The following FARP1 variants were observed in gnomAD, a reference collection of about 807,000 sequenced individuals.
The protein encoded by FARP1 is FERM, ARH/RhoGEF and pleckstrin domain protein 1.
In FARP1, 52 loss-of-function variants were observed where a neutral mutation model predicts 128.8. That is an observed-to-expected ratio of 0.40 (90% CI 0.32 to 0.51). The LOEUF (loss-of-function observed/expected upper bound fraction) is 0.51, where lower values mean the gene tolerates loss of function less well. Ranked by LOEUF, FARP1 falls within the 20% of genes least tolerant of loss-of-function variation. The pLI, the probability that FARP1 is intolerant of heterozygous loss-of-function variation, is 0.45. For missense variants in FARP1, 1,333 were observed against 1,367.9 expected (o/e 0.97, Z 0.40); for synonymous variants, 580 against 551.8 (o/e 1.05, Z -0.72).
intron 6 of FARP1, chr13:98,384,423 C>A: frequency 3.1e-6 from 1 of 321,052 alleles, no homozygotes. Context: ...GAACTCCTGA[C>A]CTCAAGTGAT....
chr13:98,236,999 A>G lies in FARP1; in HGVS notation c.171+23586A>G, dbSNP rs192883760. ...AGAGCAAGACTCTGTCTCAGGGGGA[A>G]AAAAAGAAAACGTTAAAATTTAGGC... On this transcript the variant is annotated intron_variant, in intron 2 of 26. Coordinates refer to ENST00000319562, the MANE Select transcript of FARP1 (RefSeq NM_005766.4). Among the ~76,000 whole-genome samples, 12 of 152,060 alleles carry G rather than the reference A, an allele frequency of 7.9e-5. No homozygotes were observed. In the South Asian group the frequency reaches 1.0e-3, roughly 13 times the overall value.
intron 2 of FARP1, among the ~76,000 whole-genome samples, chr13:98,313,143 C>T (rs1236110722): frequency 7.4e-6 from 1 of 134,408 alleles, no homozygotes; most frequent in Non-Finnish European, 1.6e-5. Context: ...CACACACACT[C>T]ACTCGAATCG....
intron 6 of FARP1, chr13:98,383,972 C>T (rs1247019457): frequency 6.6e-6 from 1 of 152,194 alleles, no homozygotes; most frequent in Non-Finnish European, 1.5e-5. Flanking sequence ...CTTTTCTCTG[C>T]ATGATAAAGC....
intron 2 of FARP1, chr13:98,244,579 C>G (rs778777251): frequency 6.2e-7 from 1 of 1,614,084 alleles, no homozygotes; most frequent in Non-Finnish European, 8.5e-7. Context: ...AAGCACCATT[C>G]ACATCTAATT....
intron 6 of FARP1, among the ~76,000 whole-genome samples, chr13:98,378,549 T>C (rs1050293659): frequency 2.0e-5 from 3 of 152,194 alleles, no homozygotes; most frequent in African/African-American, 7.2e-5. Context: ...GTGGGTATAA[T>C]ACTTAATGTA....
chr13:98,241,293 G>A (rs1882756368), intron 2 of FARP1, among the ~76,000 whole-genome samples: 1 of 151,962 alleles, frequency 6.6e-6, no homozygotes, highest in Admixed American at 6.6e-5. Flanking sequence ...TGGGGAGGTG[G>A]ACGGCATGTG....
intron 24 of FARP1, among the ~76,000 whole-genome samples, chr13:98,441,442 G>A (rs1402420327): frequency 1.3e-5 from 2 of 152,246 alleles, no homozygotes; most frequent in African/African-American, 2.4e-5. Context: ...CTTCGCTTCC[G>A]TGAAGAACAG....
chr13:98,280,369 C>T (rs569109981), intron 2 of FARP1, among the ~76,000 whole-genome samples: 5 of 152,206 alleles, frequency 3.3e-5, no homozygotes, highest in African/African-American at 4.8e-5. Context: ...CAGGCCTCGG[C>T]GGCTGCTCTC....
chr13:98,448,264 A>G lies in FARP1; in HGVS notation c.3085A>G (p.Ser1029Gly), dbSNP rs1892985995. Residue 1029 changes from serine to glycine, a missense_variant, in exon 27 of 27, where the codon AGC (serine) becomes GGC (glycine). Coordinates refer to ENST00000319562, the MANE Select transcript of FARP1 (RefSeq NM_005766.4). ...RWMEVIRSAT[S>G]SASRPHVLSH... ...GATGGAAGTGATCCGCAGTGCCACC[A>G]GCTCTGCCTCGCGACCCCACGTGTT... 6.2e-7 allele frequency: 1 copy of G among 1,614,108 alleles called. No homozygotes were observed. Among genetic ancestry groups the G allele is most frequent in the South Asian group, 1.1e-5 (1 of 91,074 alleles).
At chr13:98,306,923 T>C (rs1357112383) in intron 2 of FARP1, among the ~76,000 whole-genome samples, 2 of 152,256 alleles carry the variant, frequency 1.3e-5, no homozygotes, top group Admixed American at 6.5e-5. Context: ...TCATTAAATA[T>C]TGGGCTTGGG....
In FARP1 at chr13:98,390,532, C is replaced by T. The variant is rs549017776; in HGVS notation, c.1020-280C>T. ...CAGTGATCCCTGCCTTCACTAAAGG[C>T]ACAGGCTCTTGGGATGGTTGCTTAG... On this transcript the variant is annotated intron_variant, in intron 10 of 26. Transcript: ENST00000319562. The T allele has an allele frequency of 8.9e-6, 4 of 449,728 alleles. No individual in the cohort carries two copies. In the Admixed American group the frequency reaches 1.6e-4, roughly 17 times the overall value. The allele number at this position is 449,728 out of a possible 1,614,324, so 27.9% of individuals were successfully genotyped here.
At position 98,420,201 on chromosome 13, in the gene FARP1, G is replaced by A. The variant is rs149201858; in HGVS notation, c.1827-4371G>A. On this transcript the variant is annotated intron_variant, in intron 16 of 26. Transcript: ENST00000319562. ...CCTGAGGTTGGGATGGTGAATAGGA[G>A]GGCAAAGTATTGATTTATCCTGGCT... Among the ~76,000 whole-genome samples, 1,059 of 152,246 alleles carry A rather than the reference G, an allele frequency of 7.0e-3. 5 individuals carry two copies. The highest frequency in any genetic ancestry group is 0.019 in the African/African-American group (808 of 41,554).
chr13:98,147,827 T>G (rs1171162300), intron 1 of FARP1, among the ~76,000 whole-genome samples: 1 of 16,530 alleles, frequency 6.0e-5, no homozygotes, highest in African/African-American at 8.4e-5. Context: ...CAGCTAATTT[T>G]TTCTTTAAAA....
At chr13:98,318,950 G>GTTTTTTTTTTTTTTT (rs56166470) in intron 2 of FARP1, among the ~76,000 whole-genome samples, 177 of 120,628 alleles carry the variant, frequency 1.5e-3, no homozygotes, top group East Asian at 3.9e-3. Flanking sequence ...GTTTTTTCTT[G>GTTTTTTTTTTTTTTT]TTTTTTTTTT....
chr13:98,268,300 C>T (rs1346767105), intron 2 of FARP1, among the ~76,000 whole-genome samples: 6 of 152,116 alleles, frequency 3.9e-5, no homozygotes, highest in Non-Finnish European at 8.8e-5. Context: ...CTGTCTGGCC[C>T]TTTGCAGAAA....
intron 2 of FARP1, among the ~76,000 whole-genome samples, chr13:98,296,808 T>C (rs1363571205): frequency 6.6e-6 from 1 of 150,914 alleles, no homozygotes. Flanking sequence ...CCTCTGCCTC[T>C]TGAGTAGCTG....
At chr13:98,341,621 A>C (rs1219703449) in intron 2 of FARP1, among the ~76,000 whole-genome samples, 2 of 152,154 alleles carry the variant, frequency 1.3e-5, no homozygotes. Context: ...GAAAGAGGGA[A>C]ACTCCGTTTC....
At position 98,448,343 on chromosome 13, in the gene FARP1, T is replaced by C. The variant is rs748005700; in HGVS notation, c.*26T>C. 1 of 1,542,602 alleles carries C rather than the reference T, an allele frequency of 6.5e-7. No individual in the cohort carries two copies. ...TGGCCGGACACACTCGTTTCCGCAG[T>C]GGCTGCTTTCCTGGAAGACGTTTCC... On this transcript the variant is annotated 3_prime_UTR_variant, in exon 27 of 27. Transcript: ENST00000319562.
chr13:98,180,099 G>A (rs1878401136), intron 1 of FARP1, among the ~76,000 whole-genome samples: 1 of 152,032 alleles, frequency 6.6e-6, no homozygotes, highest in Non-Finnish European at 1.5e-5. Context: ...TGCTATAAAG[G>A]AATGCCTGAG....
Sources: gnomAD v4.1 joint callset for allele counts (sites outside exome capture counted in the v4.1 genomes callset) on GRCh38, gnomAD v4.1.1 for gene constraint, MANE v1.5 for transcripts, NCBI Gene and HGNC (gene_info 2026-07-23, HGNC 2026-07-21) for gene names.